Variants in ZNF165 observed in about 807,000 individuals in gnomAD.
The protein encoded by ZNF165 is cancer/testis antigen 53.
In ZNF165, 14 loss-of-function variants were observed where a neutral mutation model predicts 19.6. The ratio of observed to expected loss-of-function variants is 0.71; its 90% confidence interval spans 0.47 to 1.12. ZNF165 has a LOEUF of 1.12. ZNF165 is among the 50% of genes most tolerant of loss of function. The probability of loss-of-function intolerance (pLI) is 0.00; values close to 1 mark genes in which losing one functional copy is unlikely to be tolerated. For missense variants in ZNF165, 504 were observed against 566.3 expected (o/e 0.89, Z 1.12); for synonymous variants, 165 against 195.0 (o/e 0.85, Z 1.28).
In ZNF165 at chr6:28,088,579, CAGT is replaced by C; in HGVS notation, c.570_572del (p.Ser190del). 1.9e-6 allele frequency: 3 copies of C among 1,605,410 alleles called. No individual in the cohort carries two copies. The highest frequency in any genetic ancestry group is 2.5e-6 in the Non-Finnish European group (3 of 1,177,214). On this transcript the variant is annotated inframe_deletion, in exon 4 of 4. Transcript: ENST00000683778. ...TTATTTTAGATAATGAGAGTGAAAA[CAGT>C]AGATCCATGCCAAAGCTGGAAATTT...
chr6:28,088,802 ACAGT>A lies in ZNF165; in HGVS notation c.794_797del (p.Val265GlufsTer4). On this transcript the variant is annotated frameshift_variant, in exon 4 of 4. Coordinates refer to ENST00000683778, the MANE Select transcript of ZNF165 (RefSeq NM_001376491.1). LOFTEE classifies it low-confidence loss of function (END_TRUNC). Reference sequence around the variant, plus strand: ...TGGTAAAATCCTCACCCACAAAAATACAGTCAGAGGTGAAATAATAAGCCACGAT... The same window carrying A: ...TGGTAAAATCCTCACCCACAAAAATACAGAGGTGAAATAATAAGCCACGAT... 1 of 1,614,194 alleles carries A rather than the reference ACAGT, an allele frequency of 6.2e-7. No individual in the cohort carries two copies. The highest frequency in any genetic ancestry group is 8.5e-7 in the Non-Finnish European group (1 of 1,180,030).
chr6:28,086,050 T>C (rs1764266976), intron 2 of ZNF165, 122 bp from the exon 3 acceptor site: 1 of 1,507,480 alleles, frequency 6.6e-7, no homozygotes, highest in South Asian at 1.3e-5. Flanking sequence ...CATTTTACAA[T>C]TAAATCAGAC....
chr6:28,085,594 G>C lies in ZNF165; in HGVS notation c.114G>C (p.Gln38His). 6.2e-7 allele frequency: 1 copy of C among 1,614,234 alleles called. No individual in the cohort carries two copies. The highest frequency in any genetic ancestry group is 1.1e-5 in the South Asian group (1 of 91,084). Residue 38 changes from glutamine (Q) to histidine (H), a missense_variant, in exon 2 of 4, where the codon CAG becomes CAC. Physicochemically the swap from Gln to His is conservative, Grantham distance 24. Coordinates refer to ENST00000683778, the MANE Select transcript of ZNF165 (RefSeq NM_001376491.1). ...EFIHGQDTCLQRSELLKQELC... is the reference protein window; with the variant it reads ...EFIHGQDTCLHRSELLKQELC... ...TCCATGGGCAGGACACTTGCTTACA[G>C]AGAAGTGAACTCCTTAAGCAGGAGC...
chr6:28,086,545 C>G (rs996962311), intron 3 of ZNF165, among the ~76,000 whole-genome samples: 1 of 152,124 alleles, frequency 6.6e-6, no homozygotes, highest in Non-Finnish European at 1.5e-5. Context: ...ATGGTGAAAC[C>G]CCATCTCTAC....
intron 1 of ZNF165, 54 bp from the exon 2 acceptor site, chr6:28,085,427 G>A: frequency 2.6e-6 from 4 of 1,559,246 alleles, no homozygotes; most frequent in Non-Finnish European, 3.5e-6. Flanking sequence ...GAGGACTCTT[G>A]AAACTAAAGA....
rs1764367973 is a variant in ZNF165 at position 28,089,056 on chromosome 6, A to AT, written c.1045dup (p.Cys349LeufsTer13). On this transcript the variant is annotated frameshift_variant, in exon 4 of 4. Transcript: ENST00000683778. LOFTEE classifies it low-confidence loss of function (END_TRUNC). Reference sequence around the variant, plus strand: ...GAGATAAAACTCATCAGTGTAATGAATGTGGGAAAGCTTTCAGGCACAGCT... The same window carrying AT: ...GAGATAAAACTCATCAGTGTAATGAATTGTGGGAAAGCTTTCAGGCACAGCT... 1 of 1,614,094 alleles carries AT rather than the reference A, an allele frequency of 6.2e-7. No individual in the cohort carries two copies. Among genetic ancestry groups the AT allele is most frequent in the Non-Finnish European group, 8.5e-7 (1 of 1,180,024 alleles).
intron 3 of ZNF165, among the ~76,000 whole-genome samples, chr6:28,086,826 A>G (rs1253597073): frequency 6.6e-6 from 1 of 152,228 alleles, no homozygotes; most frequent in Admixed American, 6.5e-5. Flanking sequence ...GAACATTTTT[A>G]TGATATGACC....
chr6:28,085,539 T>C lies in ZNF165; in HGVS notation c.59T>C (p.Leu20Pro). ...AACTCTCCAGAGGATGAAGGACTTC[T>C]GATAGTGAAGATAGAAGAGGAAGAA... ...AQNSPEDEGL[L>P]IVKIEEEEFI... is the part of the protein sequence containing the mutation. Residue 20 changes from leucine (L) to proline (P), a missense_variant, in exon 2 of 4, where the codon CTG becomes CCG. Physicochemically the swap from Leu to Pro is moderately conservative, Grantham distance 98. Coordinates refer to ENST00000683778, the MANE Select transcript of ZNF165 (RefSeq NM_001376491.1). The C allele has an allele frequency of 6.2e-7, 1 of 1,614,232 alleles. No individual in the cohort carries two copies.
chr6:28,085,638 G>A lies in ZNF165; in HGVS notation c.158G>A (p.Arg53Lys). The change falls in exon 2 of 4, where the codon AGG (arginine) becomes AAG (lysine). Residue 53 changes from arginine (R) to lysine (K), a missense_variant. Transcript: ENST00000683778. ...CAGGAGCTCTGCAGGCAGCTTTTTA[G>A]GCAGTTCTGCTACCAGGATTCTCCT... ...LKQELCRQLF[R>K]QFCYQDSPGP... 1 of 1,614,216 alleles carries A rather than the reference G, an allele frequency of 6.2e-7. No homozygotes were observed. The highest frequency in any genetic ancestry group is 8.5e-7 in the Non-Finnish European group (1 of 1,180,040).
At chr6:28,085,962 A>T in intron 2 of ZNF165, 71 bp downstream of exon 2, 2 of 1,570,196 alleles carry the variant, frequency 1.3e-6, no homozygotes, top group Admixed American at 1.9e-5. Flanking sequence ...GAGGCCCGAG[A>T]TTGCATATCT....
intron 1 of ZNF165, among the ~76,000 whole-genome samples, chr6:28,083,841 G>A (rs76468095): frequency 1.2e-4 from 19 of 152,260 alleles, no homozygotes; most frequent in East Asian, 1.9e-4. Flanking sequence ...CCTCAGGACC[G>A]TTAGAACATT....
chr6:28,081,833 A>G (rs1208618421), intron 1 of ZNF165, among the ~76,000 whole-genome samples: 1 of 152,198 alleles, frequency 6.6e-6, no homozygotes, highest in African/African-American at 2.4e-5. Flanking sequence ...CTCAATCAAT[A>G]TTTATTAGTT....
At chr6:28,087,319 C>T (rs553638491) in intron 3 of ZNF165, among the ~76,000 whole-genome samples, 1 of 152,286 alleles carries the variant, frequency 6.6e-6, no homozygotes, top group Non-Finnish European at 1.5e-5. Context: ...GATCTCAGCT[C>T]ACTGCAACCT....
chr6:28,084,724 C>T (rs985382256), intron 1 of ZNF165, among the ~76,000 whole-genome samples: 27 of 152,106 alleles, frequency 1.8e-4, no homozygotes, highest in Non-Finnish European at 2.9e-5. Flanking sequence ...CATATTGCCA[C>T]CCACCCTAGA....
chr6:28,086,571 T>C (rs1764281742), intron 3 of ZNF165, among the ~76,000 whole-genome samples: 1 of 152,124 alleles, frequency 6.6e-6, no homozygotes, highest in African/African-American at 2.4e-5. Context: ...ATACAAAAAA[T>C]TAGCCGTAGC....
At chr6:28,086,451 T>A in intron 3 of ZNF165, 141 bp downstream of exon 3, 2 of 1,275,622 alleles carry the variant, frequency 1.6e-6, no homozygotes, top group South Asian at 3.7e-5. Context: ...CCAGGTGCGG[T>A]GGCTCACTCC....
At position 28,085,514 on chromosome 6, in the gene ZNF165, A is replaced by T; in HGVS notation, c.34A>T (p.Asn12Tyr). ...AGAACCAAAGAAAGCTGCAGCCCAG[A>T]ACTCTCCAGAGGATGAAGGACTTCT... ...ATEPKKAAAQ[N>Y]SPEDEGLLIV... Residue 12 changes from asparagine (N) to tyrosine (Y), a missense_variant, in exon 2 of 4, where the codon AAC (asparagine) becomes TAC (tyrosine). By Grantham distance (143) the Asn-to-Tyr change is moderately radical. Coordinates refer to ENST00000683778, the MANE Select transcript of ZNF165 (RefSeq NM_001376491.1). The T allele has an allele frequency of 1.2e-6, 2 of 1,614,108 alleles. No homozygotes were observed. The highest frequency in any genetic ancestry group is 1.7e-6 in the Non-Finnish European group (2 of 1,180,018).
Position 28,089,049 on chromosome 6 carries a change from G to A in ZNF165, c.1037G>A (p.Cys346Tyr), listed in dbSNP as rs146747066. ...TTCAGTGGAGATAAAACTCATCAGT[G>A]TAATGAATGTGGGAAAGCTTTCAGG... Reference protein sequence around the residue: ...AVFSGDKTHQCNECGKAFRHS... With the variant: ...AVFSGDKTHQYNECGKAFRHS... The change falls in exon 4 of 4, where the codon TGT becomes TAT. Residue 346 changes from cysteine (C) to tyrosine (Y), a missense_variant. Coordinates refer to ENST00000683778, the MANE Select transcript of ZNF165 (RefSeq NM_001376491.1). 82 of 1,614,214 alleles carry A rather than the reference G, an allele frequency of 5.1e-5. No individual in the cohort carries two copies. The highest frequency in any genetic ancestry group is 4.0e-4 in the Admixed American group (24 of 60,032).
At chr6:28,084,142 G>C (rs2113683747) in intron 1 of ZNF165, among the ~76,000 whole-genome samples, 1 of 152,264 alleles carries the variant, frequency 6.6e-6, no homozygotes, top group South Asian at 2.1e-4. Flanking sequence ...ATCTCTAGGA[G>C]CAGGCCCCTA....
Sources: gnomAD v4.1 joint callset for allele counts (sites outside exome capture counted in the v4.1 genomes callset) on GRCh38, gnomAD v4.1.1 for gene constraint, MANE v1.5 for transcripts, NCBI Gene and HGNC (gene_info 2026-07-23, HGNC 2026-07-21) for gene names.